UNC93A: variants seen among roughly 807,000 people sequenced by gnomAD.
UNC93A encodes the protein N-acetylglucosamine transporter UNC93A.
UNC93A carries 43 observed loss-of-function variants against 47.5 expected under a neutral mutation model. The observed-to-expected ratio is 0.91, with a 90% CI of 0.71 to 1.17. The LOEUF (loss-of-function observed/expected upper bound fraction) is 1.17, where lower values mean the gene tolerates loss of function less well. UNC93A is among the 50% of genes most tolerant of loss of function. The probability of loss-of-function intolerance (pLI) is 0.00; values close to 1 mark genes in which losing one functional copy is unlikely to be tolerated. For missense variants in UNC93A, 605 were observed against 577.6 expected (o/e 1.05, Z -0.49); for synonymous variants, 280 against 258.0 (o/e 1.09, Z -0.82).
intron 4 of UNC93A, among the ~76,000 whole-genome samples, chr6:167,301,228 C>T (rs1489133927): frequency 1.3e-5 from 2 of 152,196 alleles, no homozygotes; most frequent in Non-Finnish European, 1.5e-5. Context: ...GCAGGGTTAC[C>T]CCCAGTGTGC....
At position 167,311,903 on chromosome 6, in the gene UNC93A, G is replaced by A. The variant is rs536985953; in HGVS notation, c.1109-3284G>A. 2.4e-4 allele frequency among the ~76,000 whole-genome samples: 35 copies of A among 147,660 alleles called. No individual in the cohort carries two copies. In the South Asian group the frequency reaches 6.3e-3, roughly 27 times the overall value. ...CATCTCACAGAGCCACGGCACATTC[G>A]TACAGCTAGGAAGTAACGCTGCCAT... On this transcript the variant is annotated intron_variant, in intron 7 of 7. Transcript: ENST00000230256.
intron 5 of UNC93A, among the ~76,000 whole-genome samples, chr6:167,304,359 G>A (rs1778322772): frequency 6.6e-6 from 1 of 152,182 alleles, no homozygotes; most frequent in Non-Finnish European, 1.5e-5. Context: ...CTTGTCTCAA[G>A]GGAGAACGTC....
chr6:167,279,413 T>A (rs1783596148), intron 1 of UNC93A, among the ~76,000 whole-genome samples: 1 of 152,234 alleles, frequency 6.6e-6, no homozygotes, highest in Non-Finnish European at 1.5e-5. Context: ...TTTGAACAGG[T>A]TCTAACATCT....
At chr6:167,298,203 T>C in intron 4 of UNC93A, 133 bp downstream of exon 4, 6 of 1,375,604 alleles carry the variant, frequency 4.4e-6, no homozygotes, top group Non-Finnish European at 5.8e-6. Flanking sequence ...CAAAATGTAT[T>C]GGTCTGGATT....
intron 5 of UNC93A, among the ~76,000 whole-genome samples, chr6:167,305,048 C>T (rs1778343520): frequency 6.6e-6 from 1 of 152,200 alleles, no homozygotes; most frequent in Admixed American, 6.5e-5. Flanking sequence ...CAGAGCTGGA[C>T]CAGCAAGGGC....
rs977732117 is a variant in UNC93A at position 167,291,429 on chromosome 6, T to C, written c.-61T>C. 135 of 1,501,964 alleles carry C rather than the reference T, an allele frequency of 9.0e-5. No homozygotes were observed. Among genetic ancestry groups the C allele is most frequent in the Non-Finnish European group, 1.2e-4 (129 of 1,091,148 alleles). The allele number at this position is 1,501,964 out of a possible 1,614,324, so 93.0% of individuals were successfully genotyped here. A position where few individuals can be genotyped will look rare whatever the true frequency, so the allele number is the denominator to read the frequency against. On this transcript the variant is annotated 5_prime_UTR_variant, in exon 1 of 8. Coordinates refer to ENST00000230256, the MANE Select transcript of UNC93A (RefSeq NM_018974.4). ...ATTGTTTTTCCCATGCCTCAATTGGTTTCTTTTAGGGAGCTACAAATTTAC... is the reference window on the plus strand; with the variant it reads ...ATTGTTTTTCCCATGCCTCAATTGGCTTCTTTTAGGGAGCTACAAATTTAC...
intron 1 of UNC93A, among the ~76,000 whole-genome samples, chr6:167,275,177 AGCT>A (rs1783518777): frequency 6.6e-6 from 1 of 152,106 alleles, no homozygotes; most frequent in Non-Finnish European, 1.5e-5. Context: ...CTTCACACTG[AGCT>A]GCCTGGTTGC....
chr6:167,315,399 G>T lies in UNC93A; in HGVS notation c.1321G>T (p.Ala441Ser). ...GTCCAAGAACCCGATCAGACCCCACGCTCCAGGACAGGTCAACCAGGCAGA... is the reference window on the plus strand; with the variant it reads ...GTCCAAGAACCCGATCAGACCCCACTCTCCAGGACAGGTCAACCAGGCAGA... ...VESKNPIRPH[A>S]PGQVNQAEDE... The change falls in exon 8 of 8, where the codon GCT (alanine) becomes TCT (serine). Residue 441 changes from alanine (A) to serine (S), a missense_variant. Physicochemically the swap from Ala to Ser is moderately conservative, Grantham distance 99. Coordinates refer to ENST00000230256, the MANE Select transcript of UNC93A (RefSeq NM_018974.4). 1.2e-6 allele frequency: 2 copies of T among 1,613,944 alleles called. No individual in the cohort carries two copies. The highest frequency in any genetic ancestry group is 2.2e-5 in the South Asian group (2 of 91,080).
intron 1 of UNC93A, among the ~76,000 whole-genome samples, chr6:167,293,060 T>TCA (rs1255979197): frequency 1.3e-5 from 2 of 152,128 alleles, no homozygotes; most frequent in African/African-American, 4.8e-5. Context: ...GTCCCTCCTC[T>TCA]CAGGCTGTGA....
chr6:167,298,124 C>T (rs891382279), intron 4 of UNC93A, 54 bp downstream of exon 4: 3 of 1,570,100 alleles, frequency 1.9e-6, no homozygotes, highest in Non-Finnish European at 2.6e-6. Context: ...AGCCAAGCCT[C>T]CTTCCTGGGC....
intron 1 of UNC93A, among the ~76,000 whole-genome samples, chr6:167,281,763 T>G (rs771220458): frequency 6.6e-6 from 1 of 152,158 alleles, no homozygotes; most frequent in Non-Finnish European, 1.5e-5. Flanking sequence ...AGCCAAGCAG[T>G]GGGCTGTTCA....
intron 4 of UNC93A, 184 bp downstream of exon 4, chr6:167,298,254 CG>C (rs1338229648): frequency 1.1e-6 from 1 of 919,764 alleles, no homozygotes; most frequent in African/African-American, 1.7e-5. Context: ...GCAGTACACC[CG>C]TGCTGTCTAA....
At chr6:167,296,388 C>T in intron 3 of UNC93A, 127 bp downstream of exon 3, 1 of 991,152 alleles carries the variant, frequency 1.0e-6, no homozygotes, top group Non-Finnish European at 1.5e-6. Flanking sequence ...AGTCAGGCCC[C>T]ACAGGTGAGA....
intron 1 of UNC93A, among the ~76,000 whole-genome samples, chr6:167,278,802 G>T (rs1261772905): frequency 2.0e-5 from 3 of 152,128 alleles, no homozygotes; most frequent in Admixed American, 1.3e-4. Context: ...GGAAGCCAGG[G>T]CTCACCCGGC....
intron 1 of UNC93A, among the ~76,000 whole-genome samples, chr6:167,283,440 T>C (rs1308310324): frequency 1.3e-5 from 2 of 152,140 alleles, no homozygotes; most frequent in African/African-American, 4.8e-5. Context: ...ACTAGATTGT[T>C]AGGATTCTAT....
chr6:167,306,484 G>A (rs1778397092), intron 6 of UNC93A, among the ~76,000 whole-genome samples: 1 of 152,236 alleles, frequency 6.6e-6, no homozygotes, highest in African/African-American at 2.4e-5. Context: ...TAAGGCCACA[G>A]ACTCCTCCCT....
intron 1 of UNC93A, among the ~76,000 whole-genome samples, chr6:167,274,951 A>G (rs1783514396): frequency 6.6e-6 from 1 of 152,170 alleles, no homozygotes. Flanking sequence ...GGGAGAAAAA[A>G]TAAGTCCTTC....
At position 167,315,705 on chromosome 6, in the gene UNC93A, T is replaced by C; in HGVS notation, c.*253T>C. ...TAATTTTAGATGCAAAAGAAAAAGG[T>C]CTAACGTACAATCAGCCAATTAGAA... On this transcript the variant is annotated 3_prime_UTR_variant, in exon 8 of 8. Transcript: ENST00000230256. 2.5e-6 allele frequency: 1 copy of C among 401,230 alleles called. No individual in the cohort carries two copies. Among genetic ancestry groups the C allele is most frequent in the Non-Finnish European group, 4.3e-6 (1 of 234,550 alleles). 24.9% of individuals were successfully genotyped at this position (401,230 alleles called of 1,614,324 possible). A position where few individuals can be genotyped will look rare whatever the true frequency, so the allele number is the denominator to read the frequency against.
chr6:167,298,584 G>A (rs1778156151), intron 4 of UNC93A, among the ~76,000 whole-genome samples: 1 of 151,790 alleles, frequency 6.6e-6, no homozygotes, highest in Non-Finnish European at 1.5e-5. Context: ...CTAGAGGGGC[G>A]AGTGCTCCCA....
Sources: gnomAD v4.1 joint callset for allele counts (sites outside exome capture counted in the v4.1 genomes callset) on GRCh38, gnomAD v4.1.1 for gene constraint, MANE v1.5 for transcripts, NCBI Gene and HGNC (gene_info 2026-07-23, HGNC 2026-07-21) for gene names.